NWD2: variants seen among roughly 807,000 people sequenced by gnomAD.
NWD2 encodes NACHT and WD repeat domain-containing protein 2.
A neutral mutation model predicts 132.7 loss-of-function variants in NWD2; 37 were observed. The observed-to-expected ratio is 0.28, with a 90% CI of 0.21 to 0.37. The LOEUF is 0.37. Ranked by LOEUF, NWD2 falls within the 10% of genes least tolerant of loss-of-function variation. The pLI is 1.00. For missense variants in NWD2, 1,592 were observed against 2,122.4 expected (o/e 0.75, Z 4.91); for synonymous variants, 705 against 803.0 (o/e 0.88, Z 2.06).
At chr4:37,369,115 C>T (rs1400469951) in intron 3 of NWD2, among the ~76,000 whole-genome samples, 1 of 152,080 alleles carries the variant, frequency 6.6e-6, no homozygotes, top group Non-Finnish European at 1.5e-5. Flanking sequence ...CTCTTCCTTC[C>T]ATCACACCAT....
chr4:37,449,416 A>G lies in NWD2; in HGVS notation c.*2199A>G, dbSNP rs1712728868. On this transcript the variant is annotated 3_prime_UTR_variant, in exon 7 of 7. Coordinates refer to ENST00000309447, the MANE Select transcript of NWD2 (RefSeq NM_001144990.2). ...AATTATTTCAGTCTTCAAACAATATACAGTCTTGTGTATGTATTATTTGTA... is the reference window on the plus strand; with the variant it reads ...AATTATTTCAGTCTTCAAACAATATGCAGTCTTGTGTATGTATTATTTGTA... 1 of 152,224 alleles carries G rather than the reference A, an allele frequency of 6.6e-6. No individual in the cohort carries two copies. Among genetic ancestry groups the G allele is most frequent in the Non-Finnish European group, 1.5e-5 (1 of 68,034 alleles). The allele number at this position is 152,224 out of a possible 1,614,324, so 9.4% of individuals were successfully genotyped here.
rs1473943684 is a variant in NWD2, at chr4:37,448,734, A to T, written c.*1517A>T. On this transcript the variant is annotated 3_prime_UTR_variant, in exon 7 of 7. Coordinates refer to ENST00000309447, the MANE Select transcript of NWD2 (RefSeq NM_001144990.2). The stretch of plus-strand genomic sequence containing the variant: ...TCCTAGACAGGTCTTTAACTTCATC[A>T]GTGTGTTGTTTTTGTGAAGTGCAAA... 2 of 152,204 alleles carry T rather than the reference A, an allele frequency of 1.3e-5. No individual in the cohort carries two copies. Among genetic ancestry groups the T allele is most frequent in the Non-Finnish European group, 2.9e-5 (2 of 68,020 alleles). 9.4% of individuals were successfully genotyped at this position (152,204 alleles called of 1,614,324 possible). A position where few individuals can be genotyped will look rare whatever the true frequency, so the allele number is the denominator to read the frequency against.
Position 37,254,910 on chromosome 4 carries a change from G to A in NWD2, c.151+9692G>A, listed in dbSNP as rs17603474. On this transcript the variant is annotated intron_variant, in intron 1 of 6. Coordinates refer to ENST00000309447, the MANE Select transcript of NWD2 (RefSeq NM_001144990.2). Reference sequence around the variant, plus strand: ...AGGTGTATTATTCCTAGAGTATTACGGAATTTCACTCGGATGAAACCACAA... The same window carrying A: ...AGGTGTATTATTCCTAGAGTATTACAGAATTTCACTCGGATGAAACCACAA... Among the ~76,000 whole-genome samples, 577 of 152,180 alleles carry A rather than the reference G, an allele frequency of 3.8e-3. 4 individuals are homozygous for A. The highest frequency in any genetic ancestry group is 0.027 in the East Asian group (138 of 5,176).
chr4:37,308,692 T>G (rs1169086818), intron 1 of NWD2, among the ~76,000 whole-genome samples: 2 of 152,030 alleles, frequency 1.3e-5, no homozygotes, highest in Non-Finnish European at 2.9e-5. Flanking sequence ...ACTACTAGAT[T>G]GGTAGGTCAC....
Position 37,444,827 on chromosome 4 carries a change from C to G in NWD2, c.2839C>G (p.Pro947Ala). The change falls in exon 7 of 7, where the codon CCA becomes GCA. Residue 947 changes from proline (P) to alanine (A), a missense_variant. By Grantham distance (27) the Pro-to-Ala change is conservative. Transcript: ENST00000309447. The surrounding 1 kb of genome is among the most constrained non-coding windows in gnomAD (Gnocchi z 4.8). ...KDGPKYCSIV[P>A]LHSSMDVTYS... ...TGGGCCCAAATATTGCTCCATTGTA[C>G]CACTGCATTCATCCATGGATGTGAC... The G allele has an allele frequency of 6.4e-7, 1 of 1,552,138 alleles. No homozygotes were observed. Among genetic ancestry groups the G allele is most frequent in the Non-Finnish European group, 8.7e-7 (1 of 1,147,070 alleles).
At chr4:37,361,269 T>C (rs190791733) in intron 3 of NWD2, among the ~76,000 whole-genome samples, 5 of 152,272 alleles carry the variant, frequency 3.3e-5, no homozygotes, top group Non-Finnish European at 7.3e-5. Flanking sequence ...ATACCTATTA[T>C]AGTGAAACTA....
At chr4:37,374,032 A>T (rs1272739112) in intron 3 of NWD2, among the ~76,000 whole-genome samples, 1 of 152,148 alleles carries the variant, frequency 6.6e-6, no homozygotes, top group Admixed American at 6.6e-5. Flanking sequence ...TATAGTTTGG[A>T]TGTTTGTCCC....
intron 1 of NWD2, among the ~76,000 whole-genome samples, chr4:37,266,860 G>A (rs1209284960): frequency 1.3e-5 from 2 of 151,882 alleles, no homozygotes; most frequent in Non-Finnish European, 2.9e-5. Context: ...CATAGTAAAA[G>A]TACAGTAAAA....
intron 3 of NWD2, among the ~76,000 whole-genome samples, chr4:37,398,098 C>A (rs539326905): frequency 6.6e-6 from 1 of 152,312 alleles, no homozygotes; most frequent in African/African-American, 2.4e-5. Context: ...CATGGGCAGG[C>A]ATTGTTCAAA....
At chr4:37,398,684 T>C (rs10028027) in intron 3 of NWD2, among the ~76,000 whole-genome samples, 60,747 of 152,022 alleles carry the variant, frequency 0.4, 12,450 homozygotes, top group Non-Finnish European at 0.43. Context: ...ATAAACAGAC[T>C]CTTATGTGCT....
At position 37,401,662 on chromosome 4, in the gene NWD2, G is replaced by GA. The variant is rs547621438; in HGVS notation, c.358-28902dup. Among the ~76,000 whole-genome samples the GA allele has an allele frequency of 1.2e-4, 18 of 152,100 alleles. No individual in the cohort carries two copies. The East Asian group carries it at 1.9e-3, about 16-fold the overall frequency. ...ACTCAGAGATCTCCAAAAAGAATTAGAAAAAAAATTTAATATAAGCCTGAA... is the reference window on the plus strand; with the variant it reads ...ACTCAGAGATCTCCAAAAAGAATTAGAAAAAAAAATTTAATATAAGCCTGAA... On this transcript the variant is annotated intron_variant, in intron 3 of 6. Coordinates refer to ENST00000309447, the MANE Select transcript of NWD2 (RefSeq NM_001144990.2).
chr4:37,258,316 T>C (rs1019322874), intron 1 of NWD2, among the ~76,000 whole-genome samples: 3 of 152,374 alleles, frequency 2.0e-5, no homozygotes, highest in Non-Finnish European at 2.9e-5. Flanking sequence ...ATCATTCTTA[T>C]TGTGTTCTTG....
intron 1 of NWD2, among the ~76,000 whole-genome samples, chr4:37,316,930 C>A (rs931646947): frequency 7.2e-5 from 11 of 152,082 alleles, no homozygotes; most frequent in African/African-American, 2.4e-4. Flanking sequence ...TAGTAACTTA[C>A]CTGGACTAAA....
intron 5 of NWD2, among the ~76,000 whole-genome samples, chr4:37,435,037 C>T (rs554251228): frequency 6.6e-6 from 1 of 152,176 alleles, no homozygotes; most frequent in African/African-American, 2.4e-5. Flanking sequence ...CCATACCAAG[C>T]ATTCTGCGTA....
intron 2 of NWD2, among the ~76,000 whole-genome samples, chr4:37,355,563 A>G (rs1418596839): frequency 6.6e-6 from 1 of 152,162 alleles, no homozygotes; most frequent in African/African-American, 2.4e-5. Flanking sequence ...GGAAGCAAGG[A>G]AAGGAAAAGA....
At chr4:37,422,981 T>C (rs1367403945) in intron 3 of NWD2, among the ~76,000 whole-genome samples, 1 of 142,916 alleles carries the variant, frequency 7.0e-6, no homozygotes, top group African/African-American at 2.5e-5. Context: ...TTGTAGGAAA[T>C]TGATTTTTTT....
rs1712607511 is a variant in NWD2 at position 37,445,406 on chromosome 4, T to G, written c.3418T>G (p.Phe1140Val). The G allele has an allele frequency of 5.8e-6, 9 of 1,552,052 alleles. No homozygotes were observed. The highest frequency in any genetic ancestry group is 7.8e-6 in the Non-Finnish European group (9 of 1,147,074). ...AAAGTTATGTACAGTGACATCAGAATTTTCAGGTGGATTTGTGAAGTTTCT... is the reference window on the plus strand; with the variant it reads ...AAAGTTATGTACAGTGACATCAGAAGTTTCAGGTGGATTTGTGAAGTTTCT... Reference protein sequence around the residue: ...GEKLCTVTSEFSGGFVKFLLI... With the variant: ...GEKLCTVTSEVSGGFVKFLLI... The change falls in exon 7 of 7, where the codon TTT becomes GTT. Residue 1140 changes from phenylalanine to valine, a missense_variant. Transcript: ENST00000309447. The surrounding 1 kb of genome is among the most constrained non-coding windows in gnomAD (Gnocchi z 4.7).
At chr4:37,435,600 G>T (rs1005594627) in intron 5 of NWD2, among the ~76,000 whole-genome samples, 11 of 151,964 alleles carry the variant, frequency 7.2e-5, no homozygotes, top group African/African-American at 2.7e-4. Context: ...CTGGAGTGAA[G>T]CTTTCCTATT....
At chr4:37,308,769 C>A (rs1216310971) in intron 1 of NWD2, among the ~76,000 whole-genome samples, 1 of 152,112 alleles carries the variant, frequency 6.6e-6, no homozygotes, top group Non-Finnish European at 1.5e-5. Flanking sequence ...CACTCAGTAG[C>A]CTTGACACTG....
Sources: allele counts gnomAD v4.1 joint callset (sites outside exome capture counted in the v4.1 genomes callset), GRCh38; gene constraint gnomAD v4.1.1; non-coding constraint Gnocchi (gnomAD v3.1); transcripts MANE v1.5; gene names NCBI Gene and HGNC (gene_info 2026-07-23, HGNC 2026-07-21).